TTC29: variants seen among roughly 807,000 people sequenced by gnomAD.
The protein encoded by TTC29 is tetratricopeptide repeat domain 29, also known as tetratricopeptide repeat protein 29.
Under a neutral mutation model 58.1 loss-of-function variants are expected in TTC29, and 49 were observed. The observed-to-expected ratio is 0.84, with a 90% CI of 0.67 to 1.07. The LOEUF (loss-of-function observed/expected upper bound fraction) is 1.07. TTC29 is among the 50% of genes least tolerant of loss of function. The probability of loss-of-function intolerance (pLI) is 0.00; values close to 1 mark genes in which losing one functional copy is unlikely to be tolerated. For missense variants in TTC29, 582 were observed against 555.6 expected (o/e 1.05, Z -0.48); for synonymous variants, 209 against 196.8 (o/e 1.06, Z -0.52).
chr4:146,805,226 C>T (rs538646247), intron 10 of TTC29, among the ~76,000 whole-genome samples: 123 of 152,016 alleles, frequency 8.1e-4, no homozygotes, highest in African/African-American at 2.9e-3. Flanking sequence ...AAATGCCATC[C>T]GAAGATTACC....
intron 6 of TTC29, among the ~76,000 whole-genome samples, chr4:146,891,234 C>T (rs925349162): frequency 7.2e-5 from 11 of 152,134 alleles, no homozygotes; most frequent in Admixed American, 2.6e-4. Context: ...TAGCAATAAA[C>T]AACCAAAGTT....
intron 11 of TTC29, among the ~76,000 whole-genome samples, chr4:146,782,455 C>A (rs1434823000): frequency 6.6e-6 from 1 of 151,830 alleles, no homozygotes; most frequent in African/African-American, 2.4e-5. Flanking sequence ...AATTACATTC[C>A]TGTAAAGTTA....
intron 11 of TTC29, among the ~76,000 whole-genome samples, chr4:146,762,392 T>C (rs942014378): frequency 1.3e-5 from 2 of 149,678 alleles, no homozygotes; most frequent in Non-Finnish European, 3.0e-5. Context: ...CTTAAGGCAA[T>C]GTAGTCTGTG....
chr4:146,713,070 A>T (rs1331157607), intron 11 of TTC29, among the ~76,000 whole-genome samples: 1 of 148,622 alleles, frequency 6.7e-6, no homozygotes, highest in African/African-American at 2.5e-5. Flanking sequence ...GTCTGAAGTC[A>T]GTCTCCTGGG....
intron 11 of TTC29, among the ~76,000 whole-genome samples, chr4:146,761,675 T>C (rs1035422940): frequency 6.6e-6 from 1 of 151,166 alleles, no homozygotes; most frequent in African/African-American, 2.4e-5. Flanking sequence ...AGTAGTTTTT[T>C]TTTTTTTTTT....
rs144887925 is a variant in TTC29, at chr4:146,747,856, G to A, written c.1331-40305C>T. On this transcript the variant is annotated intron_variant, in intron 11 of 12. Transcript: ENST00000325106. ...GCCACTCCAGTCATCAGGCCAAATG[G>A]CCCCAGCACCCCACCTACCTGGAAC... 4.1e-3 allele frequency among the ~76,000 whole-genome samples: 617 copies of A among 152,250 alleles called. 6 individuals carry two copies. Among genetic ancestry groups the A allele is most frequent in the South Asian group, 0.032 (152 of 4,822 alleles).
chr4:146,840,631 A>G (rs1728795427), intron 8 of TTC29, among the ~76,000 whole-genome samples: 1 of 152,136 alleles, frequency 6.6e-6, no homozygotes, highest in Non-Finnish European at 1.5e-5. Context: ...CCAATAATAC[A>G]AAATCCCTGG....
chr4:146,892,576 C>T (rs1732450936), intron 6 of TTC29, among the ~76,000 whole-genome samples: 1 of 152,140 alleles, frequency 6.6e-6, no homozygotes, highest in Non-Finnish European at 1.5e-5. Flanking sequence ...CAGCCAGTAT[C>T]ATACTGAATG....
rs180840674 is a variant in TTC29 at position 146,844,957 on chromosome 4, A to G, written c.886-11060T>C. On this transcript the variant is annotated intron_variant, in intron 8 of 12. Transcript: ENST00000325106. ...AAGAGACCAACTGACTCGTGTCAGC[A>G]GAGTGAATTGATGGACTGCTGCTGC... Among the ~76,000 whole-genome samples the G allele has an allele frequency of 6.6e-5, 10 of 152,300 alleles. No individual in the cohort carries two copies. The East Asian group carries it at 1.2e-3, about 18-fold the overall frequency.
At chr4:146,814,197 T>G (rs541371597) in intron 10 of TTC29, among the ~76,000 whole-genome samples, 3 of 152,142 alleles carry the variant, frequency 2.0e-5, no homozygotes, top group Non-Finnish European at 4.4e-5. Context: ...TAAACTTACA[T>G]TTTGGCCAAA....
intron 11 of TTC29, among the ~76,000 whole-genome samples, chr4:146,749,541 T>A (rs1420885539): frequency 6.6e-6 from 1 of 152,020 alleles, no homozygotes; most frequent in Non-Finnish European, 1.5e-5. Context: ...TAGTATTAAA[T>A]TTACTTATTT....
intron 11 of TTC29, among the ~76,000 whole-genome samples, chr4:146,800,875 C>T (rs1215349364): frequency 3.9e-5 from 6 of 151,934 alleles, no homozygotes; most frequent in East Asian, 1.9e-4. Flanking sequence ...CAGAAATGGC[C>T]GTGGTAGGAT....
intron 6 of TTC29, among the ~76,000 whole-genome samples, chr4:146,902,447 A>G (rs1281789716): frequency 6.6e-6 from 1 of 152,186 alleles, no homozygotes; most frequent in Non-Finnish European, 1.5e-5. Context: ...CTTAAAATAA[A>G]AGTTAAAAAA....
chr4:146,776,604 C>A (rs555508879), intron 11 of TTC29, among the ~76,000 whole-genome samples: 71 of 152,232 alleles, frequency 4.7e-4, no homozygotes, highest in African/African-American at 1.6e-3. Flanking sequence ...AGTACTGGAC[C>A]CCCAACTTTG....
intron 9 of TTC29, among the ~76,000 whole-genome samples, chr4:146,829,266 C>T (rs912500294): frequency 6.6e-6 from 1 of 152,314 alleles, no homozygotes; most frequent in East Asian, 1.9e-4. Flanking sequence ...ACCCACGTCC[C>T]TTGACAACTG....
At chr4:146,780,192 G>A (rs964246277) in intron 11 of TTC29, among the ~76,000 whole-genome samples, 6 of 152,058 alleles carry the variant, frequency 3.9e-5, no homozygotes, top group African/African-American at 1.4e-4. Flanking sequence ...TAACATGTAT[G>A]GGTAGAGACC....
intron 9 of TTC29, among the ~76,000 whole-genome samples, chr4:146,826,331 T>C (rs1311234196): frequency 6.6e-6 from 1 of 152,218 alleles, no homozygotes; most frequent in Non-Finnish European, 1.5e-5. Context: ...CAGCATTTGC[T>C]TGTCTGGAAA....
At chr4:146,819,711 C>T (rs1054351919) in intron 10 of TTC29, among the ~76,000 whole-genome samples, 3 of 152,170 alleles carry the variant, frequency 2.0e-5, no homozygotes, top group Non-Finnish European at 4.4e-5. Flanking sequence ...TCTAAGGAAA[C>T]TAGCAGGGTG....
rs140453041 is a variant in TTC29 at position 146,859,587 on chromosome 4, T to C, written c.885+7911A>G. Among the ~76,000 whole-genome samples, 478 of 152,218 alleles carry C rather than the reference T, an allele frequency of 3.1e-3. 3 individuals carry two copies. The highest frequency in any genetic ancestry group is 0.011 in the African/African-American group (459 of 41,564). On this transcript the variant is annotated intron_variant, in intron 8 of 12. Coordinates refer to ENST00000325106, the MANE Select transcript of TTC29 (RefSeq NM_031956.4). ...GGTTCTATTACGCACATAACAGTTA[T>C]AATTTTTCAGAGGAATGGGTTGTGC...
Sources: allele counts gnomAD v4.1 joint callset (sites outside exome capture counted in the v4.1 genomes callset), GRCh38; gene constraint gnomAD v4.1.1; transcripts MANE v1.5; gene names NCBI Gene and HGNC (gene_info 2026-07-23, HGNC 2026-07-21).